Variants in CXCL9 observed in about 807,000 individuals in gnomAD.
The protein encoded by CXCL9 is C-X-C motif chemokine ligand 9, also known as C-X-C motif chemokine 9.
In CXCL9, 8 loss-of-function variants were observed where a neutral mutation model predicts 11.7. The ratio of observed to expected loss-of-function variants is 0.68; its 90% CI spans 0.40 to 1.23. The LOEUF (loss-of-function observed/expected upper bound fraction) is 1.23, where lower values mean the gene tolerates loss of function less well. Ranked by LOEUF, CXCL9 falls within the 50% of genes most tolerant of loss-of-function variation. CXCL9 has a pLI of 0.01. For synonymous variants in CXCL9, 43 were observed against 48.2 expected (o/e 0.89, Z 0.45); for missense variants, 133 against 141.7 (o/e 0.94, Z 0.31).
rs1406851125 is a variant in CXCL9, at chr4:76,002,610, C to T, written c.*988G>A. The T allele has an allele frequency of 2.7e-6, 1 of 363,670 alleles. No individual in the cohort carries two copies. The highest frequency in any genetic ancestry group is 4.9e-6 in the Non-Finnish European group (1 of 204,768). 22.5% of individuals were successfully genotyped at this position (363,670 alleles called of 1,614,324 possible). ...AGAAACAGGGAAATATACTGTGGCT[C>T]TTGCCCTCAAGGAGCTGACAATCTG... On this transcript the variant is annotated 3_prime_UTR_variant, in exon 4 of 4. Coordinates refer to ENST00000264888, the MANE Select transcript of CXCL9 (RefSeq NM_002416.3).
chr4:76,005,000 A>T, intron 2 of CXCL9, 107 bp from the exon 3 acceptor site: 1 of 1,328,012 alleles, frequency 7.5e-7, no homozygotes, highest in Non-Finnish European at 9.7e-7. Flanking sequence ...TTCTAATGAA[A>T]CTACTTAAAA....
Position 76,007,366 on chromosome 4 carries a change from C to T in CXCL9, c.64+20G>A. ...GTGAATCACTTCTCTTACTTTACAA[C>T]CTAACTCAGAACCCCTTACCTTGCA... On this transcript the variant is annotated intron_variant, in intron 1 of 3. Coordinates refer to ENST00000264888, the MANE Select transcript of CXCL9 (RefSeq NM_002416.3). The T allele has an allele frequency of 7.0e-7, 1 of 1,419,610 alleles. No homozygotes were observed. The highest frequency in any genetic ancestry group is 1.0e-6 in the Non-Finnish European group (1 of 1,002,536). 87.9% of individuals were successfully genotyped at this position (1,419,610 alleles called of 1,614,324 possible).
At position 76,006,009 on chromosome 4, in the gene CXCL9, G is replaced by C. The variant is rs577480097; in HGVS notation, c.191+139C>G. The stretch of plus-strand genomic sequence containing the variant: ...CATTTTTAAGGAGAAGAAAAGAAAG[G>C]AGCTGCCCAAATTTATGGAGGGGGT... On this transcript the variant is annotated intron_variant, in intron 2 of 3. Transcript: ENST00000264888. 4.5e-4 allele frequency: 309 copies of C among 688,438 alleles called. 3 individuals are homozygous for C. In the East Asian group the frequency reaches 8.3e-3, roughly 19 times the overall value. The allele number at this position is 688,438 out of a possible 1,614,324, so 42.6% of individuals were successfully genotyped here.
rs1188259055 is a variant in CXCL9 at position 76,005,190 on chromosome 4, G to A, written c.192-297C>T. 9 of 212,450 alleles carry A rather than the reference G, an allele frequency of 4.2e-5. No individual in the cohort carries two copies. The East Asian group carries it at 1.1e-3, about 26-fold the overall frequency. 13.2% of individuals were successfully genotyped at this position (212,450 alleles called of 1,614,324 possible). The stretch of plus-strand genomic sequence containing the variant: ...GCCTCCCGAATAGCTGGGACTACAG[G>A]CATGCGCCACCACGCCCAGCTAATT... On this transcript the variant is annotated intron_variant, in intron 2 of 3. Transcript: ENST00000264888.
chr4:76,003,657 T>A lies in CXCL9; in HGVS notation c.319A>T (p.Lys107Ter). ...TTTCGAACTTTCAGAACTTTCTTTT[T>A]TTGATGTTTTTTCCCATTCTTTTGC... The part of the protein sequence containing the change: ...KKQKNGKKHQ[K>*]KKVLKVRKSQ... Residue 107 changes from lysine to a stop codon, truncating the protein, a stop_gained, in exon 4 of 4, where the codon AAA becomes TAA. Transcript: ENST00000264888. LOFTEE classifies it high-confidence loss of function. 6.2e-7 allele frequency: 1 copy of A among 1,612,776 alleles called. No individual in the cohort carries two copies. Among genetic ancestry groups the A allele is most frequent in the Non-Finnish European group, 8.5e-7 (1 of 1,179,442 alleles).
At position 76,007,380 on chromosome 4, in the gene CXCL9, C is replaced by G; in HGVS notation, c.64+6G>C. ...TTACTTTACAACCTAACTCAGAACC[C>G]CTTACCTTGCACTCCAATCAGAACC... On this transcript the variant is annotated splice_donor_region_variant and intron_variant, in intron 1 of 3. Transcript: ENST00000264888. 6.5e-7 allele frequency: 1 copy of G among 1,533,792 alleles called. No individual in the cohort carries two copies. Among genetic ancestry groups the G allele is most frequent in the Non-Finnish European group, 9.0e-7 (1 of 1,106,776 alleles).
chr4:76,005,614 A>G (rs1330030780), intron 2 of CXCL9: 1 of 152,288 alleles, frequency 6.6e-6, no homozygotes, highest in Non-Finnish European at 1.5e-5. Flanking sequence ...ATTATGGTTT[A>G]TCCATATGAT....
chr4:76,006,875 G>T (rs1352874698), intron 1 of CXCL9, among the ~76,000 whole-genome samples: 1 of 151,992 alleles, frequency 6.6e-6, no homozygotes, highest in Non-Finnish European at 1.5e-5. Context: ...ATATTTACTT[G>T]GTACTTATTG....
intron 2 of CXCL9, 167 bp from the exon 3 acceptor site, chr4:76,005,060 T>C: frequency 5.3e-6 from 6 of 1,127,892 alleles, no homozygotes; most frequent in Non-Finnish European, 5.7e-6. Context: ...TTTTTTTTCT[T>C]TTTTTGAGAC....
chr4:76,002,449 G>C lies in CXCL9; in HGVS notation c.*1149C>G, dbSNP rs1204903434. On this transcript the variant is annotated 3_prime_UTR_variant, in exon 4 of 4. Coordinates refer to ENST00000264888, the MANE Select transcript of CXCL9 (RefSeq NM_002416.3). ...AGATAATAAGTAAGAGGTTACCAGAGGCTAGCCAACATGGAGTAGCCAGGA... is the reference window on the plus strand; with the variant it reads ...AGATAATAAGTAAGAGGTTACCAGACGCTAGCCAACATGGAGTAGCCAGGA... 7.5e-6 allele frequency: 3 copies of C among 398,174 alleles called. No individual in the cohort carries two copies. The highest frequency in any genetic ancestry group is 1.3e-5 in the Non-Finnish European group (3 of 225,910). 24.7% of individuals were successfully genotyped at this position (398,174 alleles called of 1,614,324 possible).
intron 3 of CXCL9, among the ~76,000 whole-genome samples, chr4:76,004,378 T>G (rs906259615): frequency 1.3e-5 from 2 of 152,164 alleles, no homozygotes; most frequent in African/African-American, 4.8e-5. Flanking sequence ...TCCTTAACAC[T>G]TTCTCCTGCC....
rs1731610888 is a variant in CXCL9, at chr4:76,007,499, A to C, written c.-50T>G. 9.7e-7 allele frequency: 1 copy of C among 1,029,986 alleles called. No homozygotes were observed. Among genetic ancestry groups the C allele is most frequent in the African/African-American group, 1.6e-5 (1 of 63,852 alleles). The allele number at this position is 1,029,986 out of a possible 1,614,324, so 63.8% of individuals were successfully genotyped here. ...ACTCCTGTATTGGATTTTGAGCCTG[A>C]GAAATTCTTTAGAGAACACATTTTG... On this transcript the variant is annotated 5_prime_UTR_variant, in exon 1 of 4. Transcript: ENST00000264888.
chr4:76,007,455 T>C lies in CXCL9; in HGVS notation c.-6A>G. 1.3e-6 allele frequency: 2 copies of C among 1,553,540 alleles called. No homozygotes were observed. The highest frequency in any genetic ancestry group is 1.8e-6 in the Non-Finnish European group (2 of 1,124,846). On this transcript the variant is annotated 5_prime_UTR_variant, in exon 1 of 4. Coordinates refer to ENST00000264888, the MANE Select transcript of CXCL9 (RefSeq NM_002416.3). ...AGAACACCACTTTTCTTCATAGTGA[T>C]AGAATGGAGTTCCAAGTCACTCCTG...
In CXCL9 at chr4:76,003,255, G is replaced by A. The variant is rs41490646; in HGVS notation, c.*343C>T. The A allele has an allele frequency of 0.019, 4,010 of 205,860 alleles. 155 individuals carry two copies. The highest frequency in any genetic ancestry group is 0.085 in the African/African-American group (3,643 of 42,634). The allele number at this position is 205,860 out of a possible 1,614,324, so 12.8% of individuals were successfully genotyped here. A position where few individuals can be genotyped will look rare whatever the true frequency, so the allele number is the denominator to read the frequency against. ...AGATACTCTCTGGAGGCTGCAGTAC[G>A]TGGAAGCCTAGGGCTGCTCTTCCAG... On this transcript the variant is annotated 3_prime_UTR_variant, in exon 4 of 4. Coordinates refer to ENST00000264888, the MANE Select transcript of CXCL9 (RefSeq NM_002416.3).
In CXCL9 at chr4:76,007,442, T is replaced by C. The variant is rs529239167; in HGVS notation, c.8A>G (p.Lys3Arg). Residue 3 changes from lysine to arginine, a missense_variant, in exon 1 of 4, where the codon AAA (lysine) becomes AGA (arginine). Transcript: ENST00000264888. The part of the protein sequence containing the change: MK[K>R]SGVLFLLGII... ...GCCCAAGAGGAAAAGAACACCACTT[T>C]TCTTCATAGTGATAGAATGGAGTTC... is the stretch of plus-strand genomic sequence containing the variant. The C allele has an allele frequency of 6.3e-6, 10 of 1,588,340 alleles. No homozygotes were observed. In the South Asian group the frequency reaches 9.9e-5, roughly 16 times the overall value.
intron 2 of CXCL9, 130 bp downstream of exon 2, chr4:76,006,017 CA>C: frequency 2.6e-6 from 2 of 780,520 alleles, no homozygotes; most frequent in Admixed American, 2.4e-5. Flanking sequence ...AGGAGCTGCC[CA>C]AATTTATGGA....
rs975863110 is a variant in CXCL9 at position 76,002,624 on chromosome 4, G to C, written c.*974C>G. 8.5e-6 allele frequency: 3 copies of C among 351,902 alleles called. No individual in the cohort carries two copies. Among genetic ancestry groups the C allele is most frequent in the Non-Finnish European group, 1.5e-5 (3 of 197,390 alleles). The allele number at this position is 351,902 out of a possible 1,614,324, so 21.8% of individuals were successfully genotyped here. A position where few individuals can be genotyped will look rare whatever the true frequency, so the allele number is the denominator to read the frequency against. On this transcript the variant is annotated 3_prime_UTR_variant, in exon 4 of 4. Transcript: ENST00000264888. Reference sequence around the variant, plus strand: ...ATACTGTGGCTCTTGCCCTCAAGGAGCTGACAATCTGGTTGGAGAGATAGG... The same window carrying C: ...ATACTGTGGCTCTTGCCCTCAAGGACCTGACAATCTGGTTGGAGAGATAGG...
chr4:76,007,072 A>G (rs1281251703), intron 1 of CXCL9, among the ~76,000 whole-genome samples: 1 of 152,218 alleles, frequency 6.6e-6, no homozygotes, highest in Non-Finnish European at 1.5e-5. Flanking sequence ...TTAGCCACAG[A>G]TATACTTAGC....
At position 76,006,252 on chromosome 4, in the gene CXCL9, ACC is replaced by A; in HGVS notation, c.85_86del (p.Gly29SerfsTer21). 1 of 1,613,716 alleles carries A rather than the reference ACC, an allele frequency of 6.2e-7. No homozygotes were observed. On this transcript the variant is annotated frameshift_variant, in exon 2 of 4. Transcript: ENST00000264888. LOFTEE classifies it high-confidence loss of function. The stretch of plus-strand genomic sequence containing the variant: ...GGTTGGTGCTGATGCAGGAACAGCG[ACC>A]CTTTCTCACTACTGGGGTTCCTGAG... ...GVQGTPVVRK[G>X]RCSCISTNQG...
Sources: gnomAD v4.1 joint callset for allele counts (sites outside exome capture counted in the v4.1 genomes callset) on GRCh38, gnomAD v4.1.1 for gene constraint, MANE v1.5 for transcripts, NCBI Gene and HGNC (gene_info 2026-07-23, HGNC 2026-07-21) for gene names.